AGBL1: variants seen among roughly 807,000 people sequenced by gnomAD.
AGBL1 encodes the protein AGBL carboxypeptidase 1, also known as cytosolic carboxypeptidase 4.
Under a neutral mutation model 118.9 loss-of-function variants are expected in AGBL1, and 130 were observed. The ratio of observed to expected loss-of-function variants is 1.09; its 90% CI spans 0.95 to 1.26. AGBL1 has a LOEUF of 1.26. AGBL1 is among the 50% of genes most tolerant of loss of function. AGBL1 has a pLI of 0.00. For synonymous variants in AGBL1, 555 were observed against 478.9 expected, an observed-to-expected ratio of 1.16 and a Z score of -2.08; for missense variants, 1,584 against 1,298.1, an observed-to-expected ratio of 1.22 and a Z score of -3.38.
At chr15:87,011,475 G>C (rs547850730) in intron 24 of AGBL1, among the ~76,000 whole-genome samples, 1 of 152,332 alleles carries the variant, frequency 6.6e-6, no homozygotes, top group African/African-American at 2.4e-5. Context: ...TGAATGTCCA[G>C]ATTTAAATAA....
At chr15:86,439,311 C>T (rs184541480) in intron 18 of AGBL1, among the ~76,000 whole-genome samples, 19 of 152,198 alleles carry the variant, frequency 1.2e-4, no homozygotes, top group African/African-American at 3.6e-4. Flanking sequence ...AAACTCCAGC[C>T]GGTATAATTA....
chr15:86,301,943 AAT>A (rs918200044), intron 17 of AGBL1, among the ~76,000 whole-genome samples: 5 of 152,114 alleles, frequency 3.3e-5, no homozygotes, highest in African/African-American at 1.2e-4. Context: ...TGAAAAGTAA[AAT>A]ATATAAAACG....
chr15:86,627,369 C>A (rs1305749781), intron 21 of AGBL1, among the ~76,000 whole-genome samples: 1 of 151,988 alleles, frequency 6.6e-6, no homozygotes, highest in African/African-American at 2.4e-5. Context: ...AGATGGGATG[C>A]CAGAGGAGAG....
chr15:86,628,499 C>T lies in AGBL1; in HGVS notation c.2995-45774C>T, dbSNP rs542313469. On this transcript the variant is annotated intron_variant, in intron 21 of 22. Transcript: ENST00000614907. ...CATGTTTATTGAACTAATTTTTTTT[C>T]TTTAAAAAAATTTTTGGCTGGGCGC... 3.9e-5 allele frequency among the ~76,000 whole-genome samples: 6 copies of T among 151,924 alleles called. No individual in the cohort carries two copies. The South Asian group carries it at 1.2e-3, about 31-fold the overall frequency.
At chr15:86,376,665 A>G (rs2081044639) in intron 17 of AGBL1, among the ~76,000 whole-genome samples, 1 of 152,208 alleles carries the variant, frequency 6.6e-6, no homozygotes, top group Non-Finnish European at 1.5e-5. Context: ...CTCTCCTTGC[A>G]GAGGCTGGGC....
In AGBL1 at chr15:86,771,950, A is replaced by G. The variant is rs80136061; in HGVS notation, c.3158+97514A>G. Among the ~76,000 whole-genome samples, 305 of 152,094 alleles carry G rather than the reference A, an allele frequency of 2.0e-3. 1 individual carries two copies. Among genetic ancestry groups the G allele is most frequent in the African/African-American group, 7.1e-3 (295 of 41,526 alleles). On this transcript the variant is annotated intron_variant, in intron 22 of 22. Coordinates refer to ENST00000614907, the MANE Select transcript of AGBL1 (RefSeq NM_001386094.1). ...ATATAGCAGCCCTGGGAGATACGGAAGTTCTTGTGTGGATAGAAATGAAGT... is the reference window on the plus strand; with the variant it reads ...ATATAGCAGCCCTGGGAGATACGGAGGTTCTTGTGTGGATAGAAATGAAGT...
chr15:86,761,242 C>T (rs1459110792), intron 22 of AGBL1, among the ~76,000 whole-genome samples: 5 of 152,026 alleles, frequency 3.3e-5, no homozygotes, highest in Non-Finnish European at 7.4e-5. Flanking sequence ...TCATTGAGAA[C>T]TTACTGTATG....
intron 17 of AGBL1, among the ~76,000 whole-genome samples, chr15:86,302,002 G>C (rs577166501): frequency 6.6e-6 from 1 of 152,038 alleles, no homozygotes. Flanking sequence ...TCTCACTGTT[G>C]TTGATCTGCC....
intron 22 of AGBL1, among the ~76,000 whole-genome samples, chr15:86,721,150 G>A (rs867365342): frequency 5.2e-4 from 79 of 152,256 alleles, no homozygotes; most frequent in African/African-American, 1.8e-3. Context: ...CTCATTTAAT[G>A]AGGCCAGCAT....
At chr15:86,092,037 T>G (rs1248384166) in intron 1 of AGBL1, among the ~76,000 whole-genome samples, 1 of 152,202 alleles carries the variant, frequency 6.6e-6, no homozygotes, top group Non-Finnish European at 1.5e-5. Context: ...ATCTATGATT[T>G]ACTTGCTTAT....
chr15:86,993,581 T>C (rs1018268927), intron 24 of AGBL1, among the ~76,000 whole-genome samples: 1 of 152,184 alleles, frequency 6.6e-6, no homozygotes, highest in African/African-American at 2.4e-5. Flanking sequence ...GGTGTTCTTC[T>C]CACGTGGGTG....
chr15:86,424,567 C>T (rs1034428818), intron 18 of AGBL1, among the ~76,000 whole-genome samples: 2 of 151,846 alleles, frequency 1.3e-5, no homozygotes, highest in African/African-American at 2.4e-5. Flanking sequence ...GAGCTTCTGC[C>T]CAGCAAAAGA....
chr15:86,678,658 A>T (rs925539137), intron 22 of AGBL1, among the ~76,000 whole-genome samples: 1 of 152,038 alleles, frequency 6.6e-6, no homozygotes, highest in African/African-American at 2.4e-5. Flanking sequence ...AATTATGTTT[A>T]TCAATTCTTT....
intron 18 of AGBL1, among the ~76,000 whole-genome samples, chr15:86,502,364 T>C (rs1242035920): frequency 6.6e-6 from 1 of 151,474 alleles, no homozygotes; most frequent in African/African-American, 2.4e-5. Context: ...TATACAAGAT[T>C]GTATCATTTG....
At chr15:86,860,355 C>A (rs1318245821) in intron 22 of AGBL1, among the ~76,000 whole-genome samples, 2 of 151,884 alleles carry the variant, frequency 1.3e-5, no homozygotes, top group African/African-American at 4.8e-5. Context: ...GAGCCAGCTC[C>A]CCTTCATTCC....
chr15:86,828,160 C>A (rs892472646), intron 22 of AGBL1, among the ~76,000 whole-genome samples: 13 of 151,382 alleles, frequency 8.6e-5, no homozygotes, highest in Non-Finnish European at 1.6e-4. Context: ...CTAGGCTGGT[C>A]TCAAAATCCT....
chr15:86,668,904 T>C (rs1230722942), intron 21 of AGBL1, among the ~76,000 whole-genome samples: 2 of 152,150 alleles, frequency 1.3e-5, no homozygotes, highest in African/African-American at 4.8e-5. Flanking sequence ...CATTCATAAT[T>C]TCTAAACACA....
intron 1 of AGBL1, among the ~76,000 whole-genome samples, chr15:86,121,094 C>T (rs944560460): frequency 2.0e-5 from 3 of 152,064 alleles, no homozygotes; most frequent in Non-Finnish European, 2.9e-5. Context: ...GACAGGATTT[C>T]GCCATGTTGG....
chr15:86,201,384 A>T (rs746474389), intron 5 of AGBL1, among the ~76,000 whole-genome samples: 2 of 152,226 alleles, frequency 1.3e-5, no homozygotes, highest in Non-Finnish European at 2.9e-5. Flanking sequence ...ATATCATTTG[A>T]CTATCATTCT....
Sources: allele counts gnomAD v4.1 joint callset (sites outside exome capture counted in the v4.1 genomes callset), GRCh38; gene constraint gnomAD v4.1.1; transcripts MANE v1.5; gene names NCBI Gene and HGNC (gene_info 2026-07-23, HGNC 2026-07-21).